Variants in RARS2 observed in about 807,000 individuals in gnomAD.
RARS2 encodes the protein arginyl-tRNA synthetase 2, mitochondrial.
RARS2 carries 67 observed loss-of-function variants against 88.5 expected under a neutral mutation model. The observed-to-expected ratio is 0.76, with a 90% CI of 0.62 to 0.93. The LOEUF is 0.93. Ranked by LOEUF, RARS2 falls within the 40% of genes least tolerant of loss-of-function variation. The pLI is 0.00. For synonymous variants in RARS2, 239 were observed against 230.3 expected (o/e 1.04, Z -0.34); for missense variants, 664 against 684.2 (o/e 0.97, Z 0.33).
At chr6:87,524,971 C>T (rs1775180508) in intron 10 of RARS2, among the ~76,000 whole-genome samples, 1 of 152,202 alleles carries the variant, frequency 6.6e-6, no homozygotes, top group Non-Finnish European at 1.5e-5. Context: ...AAATGTCACA[C>T]ATTCTCCTTC....
chr6:87,516,922 C>T (rs1412239466), intron 17 of RARS2, 42 bp from the exon 18 acceptor site: 5 of 1,611,226 alleles, frequency 3.1e-6, no homozygotes, highest in Non-Finnish European at 3.4e-6. Context: ...AGACTGTACA[C>T]ATTACACTAA....
rs1562212642 is a variant in RARS2, at chr6:87,562,737, C to T, written c.262G>A (p.Val88Ile). Residue 88 changes from valine (V) to isoleucine (I), a missense_variant, in exon 4 of 20, where the codon GTA becomes ATA. Physicochemically the swap from Val to Ile is conservative, Grantham distance 29. Coordinates refer to ENST00000369536, the MANE Select transcript of RARS2 (RefSeq NM_020320.5). ...AGCTCTCTGTTTATTTTGAAATTTACAGTCCTTTGACCAGTACTGATTTCA... is the reference window on the plus strand; with the variant it reads ...AGCTCTCTGTTTATTTTGAAATTTATAGTCCTTTGACCAGTACTGATTTCA... ...VSEISTGQRT[V>I]NFKINRELLT... is the part of the protein sequence containing the mutation. 7.4e-6 allele frequency: 12 copies of T among 1,613,424 alleles called. No homozygotes were observed. Among genetic ancestry groups the T allele is most frequent in the Non-Finnish European group, 8.5e-6 (10 of 1,179,374 alleles).
intron 4 of RARS2, among the ~76,000 whole-genome samples, chr6:87,561,765 A>G (rs1582703860): frequency 6.6e-6 from 1 of 152,214 alleles, no homozygotes; most frequent in East Asian, 1.9e-4. Flanking sequence ...ATTCTCACTA[A>G]GATTCAGATC....
Position 87,521,481 on chromosome 6 carries a change from CA to C in RARS2, c.1017del (p.Phe339LeufsTer4). ...TTACTTACCACATATATCATTGTAT[CA>C]AAATTATACTTGTCCATTCGATCTA... ...AAIDRMDKYN[F>X]DTMIYVTDKG... On this transcript the variant is annotated frameshift_variant, in exon 12 of 20. Transcript: ENST00000369536. LOFTEE classifies it high-confidence loss of function. 1 of 1,610,616 alleles carries C rather than the reference CA, an allele frequency of 6.2e-7. No individual in the cohort carries two copies. The highest frequency in any genetic ancestry group is 8.5e-7 in the Non-Finnish European group (1 of 1,177,306).
intron 10 of RARS2, among the ~76,000 whole-genome samples, chr6:87,528,846 GAA>G (rs2128054302): frequency 6.6e-6 from 1 of 152,326 alleles, no homozygotes; most frequent in Non-Finnish European, 1.5e-5. Context: ...TAGTACACTT[GAA>G]AACTGCTAAC....
At chr6:87,544,203 A>C (rs577244541) in intron 7 of RARS2, among the ~76,000 whole-genome samples, 1 of 152,324 alleles carries the variant, frequency 6.6e-6, no homozygotes, top group Middle Eastern at 3.4e-3. Context: ...AATCAGTGCT[A>C]TCTATTAAGT....
intron 1 of RARS2, among the ~76,000 whole-genome samples, chr6:87,580,844 C>T (rs1415539679): frequency 6.6e-6 from 1 of 151,944 alleles, no homozygotes; most frequent in Non-Finnish European, 1.5e-5. Context: ...TGCCAGATCT[C>T]GTTTGAGAAC....
chr6:87,532,061 T>C (rs978003414), intron 8 of RARS2, among the ~76,000 whole-genome samples: 3 of 152,148 alleles, frequency 2.0e-5, no homozygotes, highest in Middle Eastern at 6.3e-3. Flanking sequence ...GGAGGACACA[T>C]TGGCTTATAC....
chr6:87,573,236 G>A (rs1770358316), intron 1 of RARS2, among the ~76,000 whole-genome samples: 1 of 152,020 alleles, frequency 6.6e-6, no homozygotes, highest in South Asian at 2.1e-4. Flanking sequence ...CACACGGTGG[G>A]AGCAGGAGGA....
chr6:87,530,321 A>G (rs534420148), intron 9 of RARS2, among the ~76,000 whole-genome samples: 15 of 152,216 alleles, frequency 9.9e-5, no homozygotes, highest in Admixed American at 5.2e-4. Flanking sequence ...GCTAGCATCT[A>G]GAACCACTTA....
chr6:87,585,859 C>T (rs1308085221), intron 1 of RARS2, among the ~76,000 whole-genome samples: 8 of 152,056 alleles, frequency 5.3e-5, no homozygotes, highest in East Asian at 3.9e-4. Flanking sequence ...AAACTTTCAT[C>T]GTGCATAAAG....
chr6:87,518,581 C>T (rs778121766), intron 16 of RARS2, 49 bp downstream of exon 16: 5 of 1,541,012 alleles, frequency 3.2e-6, no homozygotes, highest in Middle Eastern at 2.0e-4. Context: ...CAGGACCTAG[C>T]CTAAGTAAGC....
chr6:87,519,852 T>A, intron 13 of RARS2, 145 bp from the exon 14 acceptor site: 1 of 990,102 alleles, frequency 1.0e-6, no homozygotes, highest in Non-Finnish European at 1.6e-6. Context: ...GTGATTTGTA[T>A]GCTACAAAGG....
At chr6:87,529,771 A>C in intron 9 of RARS2, 123 bp from the exon 10 acceptor site, 1 of 711,026 alleles carries the variant, frequency 1.4e-6, no homozygotes, top group Non-Finnish European at 2.5e-6. Context: ...AAATTAAATC[A>C]AGGGCTGAGT....
intron 10 of RARS2, among the ~76,000 whole-genome samples, chr6:87,528,708 G>A (rs928820499): frequency 1.3e-5 from 2 of 152,154 alleles, no homozygotes; most frequent in Non-Finnish European, 2.9e-5. Context: ...CAGAGAAGTA[G>A]AATGGAGGTT....
intron 7 of RARS2, among the ~76,000 whole-genome samples, chr6:87,544,279 T>C (rs1259717610): frequency 6.6e-6 from 1 of 152,270 alleles, no homozygotes; most frequent in Admixed American, 6.5e-5. Flanking sequence ...GTTGATTTTT[T>C]AAATGCAGGG....
intron 7 of RARS2, among the ~76,000 whole-genome samples, chr6:87,545,222 T>TA (rs1374647703): frequency 1.3e-5 from 2 of 152,186 alleles, no homozygotes; most frequent in African/African-American, 4.8e-5. Flanking sequence ...TAGCTAGGAC[T>TA]ACAAGGGCAT....
At chr6:87,538,864 T>C (rs898910880) in intron 8 of RARS2, among the ~76,000 whole-genome samples, 10 of 151,934 alleles carry the variant, frequency 6.6e-5, no homozygotes, top group Non-Finnish European at 1.5e-4. Flanking sequence ...GGAGACCCTG[T>C]CTCTATAAAA....
intron 8 of RARS2, among the ~76,000 whole-genome samples, chr6:87,532,735 G>GA (rs1333529906): frequency 2.6e-5 from 4 of 152,150 alleles, no homozygotes; most frequent in Non-Finnish European, 1.5e-5. Context: ...TCCTCTGCGT[G>GA]AATCACAGAA....
Sources: gnomAD v4.1 joint callset for allele counts (sites outside exome capture counted in the v4.1 genomes callset) on GRCh38, gnomAD v4.1.1 for gene constraint, MANE v1.5 for transcripts, NCBI Gene and HGNC (gene_info 2026-07-23, HGNC 2026-07-21) for gene names.